Variants in RAB28 observed in about 807,000 individuals in gnomAD.
The protein encoded by RAB28 is RAB28, member RAS oncogene family.
Under a neutral mutation model 31.7 loss-of-function variants are expected in RAB28, and 24 were observed. The observed-to-expected ratio is 0.76, with a 90% confidence interval of 0.55 to 1.06. The LOEUF (loss-of-function observed/expected upper bound fraction) is 1.06, where lower values mean the gene tolerates loss of function less well. Among genes scored for constraint, RAB28 ranks in the 50% least tolerant of loss-of-function variants. The probability of loss-of-function intolerance (pLI) is 0.00; values close to 1 mark genes in which losing one functional copy is unlikely to be tolerated. For missense variants in RAB28, 254 were observed against 258.5 expected (o/e 0.98, Z 0.12); for synonymous variants, 100 against 90.4 (o/e 1.11, Z -0.60).
At chr4:13,417,388 G>T (rs529979491) in intron 4 of RAB28, among the ~76,000 whole-genome samples, 3 of 152,308 alleles carry the variant, frequency 2.0e-5, no homozygotes, top group African/African-American at 7.2e-5. Flanking sequence ...AGAGGGCAGT[G>T]GTTTTCCCAG....
chr4:13,415,734 G>A (rs1056062284), intron 4 of RAB28, among the ~76,000 whole-genome samples: 5 of 152,136 alleles, frequency 3.3e-5, no homozygotes, highest in Admixed American at 6.5e-5. Context: ...TACGGCGCCC[G>A]GTCCCAATGA....
At chr4:13,471,247 A>G (rs1716105063) in intron 3 of RAB28, among the ~76,000 whole-genome samples, 1 of 152,086 alleles carries the variant, frequency 6.6e-6, no homozygotes, top group Admixed American at 6.6e-5. Flanking sequence ...TCTACTTTGA[A>G]GAATAATTAT....
intron 6 of RAB28, chr4:13,371,821 C>G: frequency 6.5e-7 from 1 of 1,547,592 alleles, no homozygotes; most frequent in Non-Finnish European, 8.7e-7. Context: ...ACAAAGCACA[C>G]TCGATTATTC....
intron 3 of RAB28, among the ~76,000 whole-genome samples, chr4:13,463,620 T>A (rs1271719486): frequency 6.6e-6 from 1 of 152,002 alleles, no homozygotes; most frequent in African/African-American, 2.4e-5. Context: ...CCCAACATTT[T>A]TCAGTTGGTG....
intron 6 of RAB28, among the ~76,000 whole-genome samples, chr4:13,372,125 C>T (rs1468588091): frequency 6.6e-6 from 1 of 152,068 alleles, no homozygotes; most frequent in Admixed American, 6.6e-5. Flanking sequence ...CAAAGCCAAC[C>T]ACCATCCCAG....
At chr4:13,444,383 T>A (rs1269814382) in intron 4 of RAB28, among the ~76,000 whole-genome samples, 1 of 151,424 alleles carries the variant, frequency 6.6e-6, no homozygotes, top group Non-Finnish European at 1.5e-5. Context: ...TGTATACAAA[T>A]ATATATATAT....
At chr4:13,427,251 C>A (rs144512758) in intron 4 of RAB28, among the ~76,000 whole-genome samples, 14 of 152,124 alleles carry the variant, frequency 9.2e-5, no homozygotes, top group Non-Finnish European at 2.9e-5. Context: ...GACTTAAGGG[C>A]CTTCTTAAAA....
intron 4 of RAB28, among the ~76,000 whole-genome samples, chr4:13,381,869 T>C (rs1368416021): frequency 6.6e-6 from 1 of 152,162 alleles, no homozygotes. Flanking sequence ...AAATGTGCGC[T>C]ATCATTATTA....
At chr4:13,382,648 G>A (rs889120994) in intron 4 of RAB28, among the ~76,000 whole-genome samples, 1 of 150,592 alleles carries the variant, frequency 6.6e-6, no homozygotes, top group African/African-American at 2.4e-5. Context: ...ATCTAATGGG[G>A]TATTCCTGAG....
intron 4 of RAB28, among the ~76,000 whole-genome samples, chr4:13,427,006 T>C (rs147610068): frequency 6.6e-6 from 1 of 152,282 alleles, no homozygotes; most frequent in African/African-American, 2.4e-5. Flanking sequence ...TACCTCCTTA[T>C]TTTGCCTGAA....
rs187940216 is a variant in RAB28 at position 13,428,253 on chromosome 4, T to A, written c.391+32446A>T. On this transcript the variant is annotated intron_variant, in intron 4 of 6. Coordinates refer to ENST00000330852, the MANE Select transcript of RAB28 (RefSeq NM_001017979.3). ...CTTCTTCTTTCTTTGGAGGCAGAAATTGGGCATAAGACAATATGAGGGGTG... is the reference window on the plus strand; with the variant it reads ...CTTCTTCTTTCTTTGGAGGCAGAAAATGGGCATAAGACAATATGAGGGGTG... Among the ~76,000 whole-genome samples the A allele has an allele frequency of 2.1e-3, 327 of 152,268 alleles. 2 individuals are homozygous for A. Among genetic ancestry groups the A allele is most frequent in the African/African-American group, 7.6e-3 (315 of 41,568 alleles).
chr4:13,385,441 A>C (rs1729326117), intron 4 of RAB28, among the ~76,000 whole-genome samples: 1 of 152,138 alleles, frequency 6.6e-6, no homozygotes, highest in African/African-American at 2.4e-5. Context: ...AAATGTTAAA[A>C]GCAGCTAGAG....
intron 4 of RAB28, among the ~76,000 whole-genome samples, chr4:13,418,645 C>T (rs1712939089): frequency 6.6e-6 from 1 of 152,136 alleles, no homozygotes; most frequent in South Asian, 2.1e-4. Flanking sequence ...TCATATCCAG[C>T]CAAACTAAGC....
At chr4:13,384,255 G>A (rs1729264822) in intron 4 of RAB28, among the ~76,000 whole-genome samples, 1 of 152,162 alleles carries the variant, frequency 6.6e-6, no homozygotes, top group African/African-American at 2.4e-5. Flanking sequence ...ACCACCACCA[G>A]CACAGTAGCC....
chr4:13,390,871 G>C (rs1038360405), intron 4 of RAB28, among the ~76,000 whole-genome samples: 25 of 152,164 alleles, frequency 1.6e-4, no homozygotes, highest in African/African-American at 6.0e-4. Context: ...GGTGAAACTG[G>C]ATCCCTTCCT....
chr4:13,427,313 C>T (rs143432494), intron 4 of RAB28, among the ~76,000 whole-genome samples: 1 of 152,280 alleles, frequency 6.6e-6, no homozygotes, highest in Admixed American at 6.5e-5. Flanking sequence ...TTTCCTCTTG[C>T]TATAAACAAA....
intron 4 of RAB28, among the ~76,000 whole-genome samples, chr4:13,418,963 G>C (rs567113014): frequency 6.6e-6 from 1 of 152,164 alleles, no homozygotes; most frequent in African/African-American, 2.4e-5. Flanking sequence ...CTGGCAAATT[G>C]GATAGAGTCA....
intron 4 of RAB28, among the ~76,000 whole-genome samples, chr4:13,382,154 T>A (rs1053891812): frequency 6.6e-6 from 1 of 152,344 alleles, no homozygotes. Flanking sequence ...CATAGTTCAG[T>A]TGTTTTCCAT....
intron 4 of RAB28, among the ~76,000 whole-genome samples, chr4:13,416,313 C>A (rs1309195851): frequency 6.6e-6 from 1 of 152,176 alleles, no homozygotes; most frequent in African/African-American, 2.4e-5. Flanking sequence ...AGCTTCACTC[C>A]TGAGCCAGCG....
Sources: gnomAD v4.1 joint callset for allele counts (sites outside exome capture counted in the v4.1 genomes callset) on GRCh38, gnomAD v4.1.1 for gene constraint, MANE v1.5 for transcripts, NCBI Gene and HGNC (gene_info 2026-07-23, HGNC 2026-07-21) for gene names.